Variants in FAM200B observed in about 807,000 individuals in gnomAD.
The protein encoded by FAM200B is protein FAM200B.
Under a neutral mutation model 33.1 loss-of-function variants are expected in FAM200B, and 32 were observed. That is an observed-to-expected ratio of 0.97 (90% CI 0.73 to 1.30). FAM200B has a LOEUF of 1.30. FAM200B is among the 50% of genes most tolerant of loss of function. The probability of loss-of-function intolerance (pLI) is 0.00; values close to 1 mark genes in which losing one functional copy is unlikely to be tolerated. For missense variants in FAM200B, 741 were observed against 754.0 expected (o/e 0.98, Z 0.20); for synonymous variants, 240 against 264.8 (o/e 0.91, Z 0.91).
At chr4:15,650,661 CTTTTTTT>C in the FAM200B span, among the ~76,000 whole-genome samples, 3 of 77,884 alleles carry the variant, frequency 3.9e-5, no homozygotes, top group East Asian at 4.1e-4. Context: ...AACTGACTTT[CTTTTTTT>C]TTTTTTTTTT....
At position 15,687,784 on chromosome 4, in the gene FAM200B, A is replaced by G; in HGVS notation, c.807A>G (p.Gly269=). 6.4e-7 allele frequency: 1 copy of G among 1,550,654 alleles called. No individual in the cohort carries two copies. Among genetic ancestry groups the G allele is most frequent in the Middle Eastern group, 1.7e-4 (1 of 5,980 alleles). ...TAAATTTAACCTCACACCTAAGTGG[A>G]TTAGATATTTTTACAGAATTAGAAA... is the stretch of plus-strand genomic sequence containing the variant. ...CFLNLTSHLS[G]LDIFTELERR... Residue 269 remains glycine, a synonymous_variant, in exon 2 of 2, where the codon GGA becomes GGG. Transcript: ENST00000422728.
At chr4:15,662,551 T>C in the FAM200B span, among the ~76,000 whole-genome samples, 2 of 152,208 alleles carry the variant, frequency 1.3e-5, no homozygotes, top group African/African-American at 4.8e-5. Flanking sequence ...CAGATATGCA[T>C]TGTTCCTTGA....
At chr4:15,668,260 A>G in the FAM200B span, among the ~76,000 whole-genome samples, 2 of 151,182 alleles carry the variant, frequency 1.3e-5, no homozygotes, top group African/African-American at 2.4e-5. Context: ...GGTATTTTCA[A>G]ATTTATAACT....
the FAM200B span, chr4:15,641,672 T>C: frequency 4.5e-6 from 2 of 447,476 alleles, no homozygotes; most frequent in Non-Finnish European, 8.9e-6. Flanking sequence ...ACGTGGATTT[T>C]CAACAGCACA....
chr4:15,646,644 C>T, the FAM200B span, among the ~76,000 whole-genome samples: 803 of 151,908 alleles, frequency 5.3e-3, 7 homozygotes, highest in African/African-American at 0.018. Flanking sequence ...GTGCTGCACC[C>T]ATTAACCCGT....
At chr4:15,659,210 G>A in the FAM200B span, among the ~76,000 whole-genome samples, 1 of 152,118 alleles carries the variant, frequency 6.6e-6, no homozygotes, top group Non-Finnish European at 1.5e-5. Context: ...TACATTCCCT[G>A]AACAAGTAGT....
the FAM200B span, among the ~76,000 whole-genome samples, chr4:15,654,409 T>C: frequency 6.6e-6 from 1 of 152,200 alleles, no homozygotes; most frequent in South Asian, 2.1e-4. Flanking sequence ...CCTCTTCAGC[T>C]TATGCTGCAC....
At chr4:15,640,392 T>TGA in the FAM200B span, among the ~76,000 whole-genome samples, 1 of 19,246 alleles carries the variant, frequency 5.2e-5, no homozygotes, top group Admixed American at 7.5e-4. Context: ...ACTACACTAC[T>TGA]GAAAAAAAAA....
the FAM200B span, among the ~76,000 whole-genome samples, chr4:15,666,856 C>A: frequency 6.6e-6 from 1 of 151,230 alleles, no homozygotes; most frequent in Non-Finnish European, 1.5e-5. Context: ...GAGTAAATTT[C>A]AAATGTCCCA....
chr4:15,674,204 GTTT>G, the FAM200B span, among the ~76,000 whole-genome samples: 5 of 140,214 alleles, frequency 3.6e-5, no homozygotes, highest in East Asian at 2.2e-4. Context: ...AATGCATCGT[GTTT>G]TTTTTTTTTT....
the FAM200B span, among the ~76,000 whole-genome samples, chr4:15,653,301 T>C: frequency 6.6e-6 from 1 of 152,208 alleles, no homozygotes; most frequent in Admixed American, 6.5e-5. Flanking sequence ...GAAAAGACTC[T>C]TGGCTCAGAT....
chr4:15,655,173 G>T, the FAM200B span: 16 of 1,362,848 alleles, frequency 1.2e-5, no homozygotes, highest in Non-Finnish European at 1.5e-5. Flanking sequence ...CGCCCGCACC[G>T]CCCACAGCGG....
rs1323958545 is a variant in FAM200B at position 15,686,324 on chromosome 4, T to A, written c.-654T>A. On this transcript the variant is annotated 5_prime_UTR_variant, in exon 2 of 2. Coordinates refer to ENST00000422728, the MANE Select transcript of FAM200B (RefSeq NM_001145191.2). ...CCTAGCCATGGAAAACCTCATTGGC[T>A]CCTCACTGGATCAGACCATAAAAAT... 6.6e-6 allele frequency: 1 copy of A among 152,120 alleles called. No individual in the cohort carries two copies. Among genetic ancestry groups the A allele is most frequent in the Non-Finnish European group, 1.5e-5 (1 of 68,028 alleles). 9.4% of individuals were successfully genotyped at this position (152,120 alleles called of 1,614,324 possible). A position where few individuals can be genotyped will look rare whatever the true frequency, so the allele number is the denominator to read the frequency against.
At chr4:15,680,128 A>C (rs1252098228), upstream of FAM200B, among the ~76,000 whole-genome samples, 2 of 152,172 alleles carry the variant, frequency 1.3e-5, no homozygotes, top group African/African-American at 4.8e-5. Flanking sequence ...AAAAAAAAAA[A>C]CATGAACAAT....
chr4:15,638,286 C>T, the FAM200B span, among the ~76,000 whole-genome samples: 1 of 152,190 alleles, frequency 6.6e-6, no homozygotes, highest in African/African-American at 2.4e-5. Context: ...AAACACTACA[C>T]TGAATATGTC....
chr4:15,650,212 AATC>A, the FAM200B span, among the ~76,000 whole-genome samples: 1 of 152,202 alleles, frequency 6.6e-6, no homozygotes, highest in African/African-American at 2.4e-5. Context: ...ATAAAAAAGA[AATC>A]ATCTGCCTCA....
rs1718921509 is a variant in FAM200B at position 15,687,066 on chromosome 4, T to C, written c.89T>C (p.Val30Ala). Residue 30 changes from valine to alanine, a missense_variant, in exon 2 of 2, where the codon GTG becomes GCG. Coordinates refer to ENST00000422728, the MANE Select transcript of FAM200B (RefSeq NM_001145191.2). ...AGTTCATCTGTTGAATCTGGAATTG[T>C]GAATAGTGACAATATTGAGAAAAAT... ...CSSSSVESGI[V>A]NSDNIEKNTD... 3.2e-6 allele frequency: 5 copies of C among 1,542,100 alleles called. No homozygotes were observed. The highest frequency in any genetic ancestry group is 4.4e-6 in the Non-Finnish European group (5 of 1,140,802).
In FAM200B at chr4:15,687,893, C is replaced by G. The variant is rs1719035008; in HGVS notation, c.916C>G (p.His306Asp). 1 of 1,550,700 alleles carries G rather than the reference C, an allele frequency of 6.4e-7. No individual in the cohort carries two copies. The highest frequency in any genetic ancestry group is 2.0e-5 in the Admixed American group (1 of 50,964). The stretch of plus-strand genomic sequence containing the variant: ...TGGCACAGCAACCATGACTGGAAAA[C>G]ATAGCAGAGTAATTAAAAAATTACT... Reference protein sequence around the residue: ...SDGTATMTGKHSRVIKKLLEV... With the variant: ...SDGTATMTGKDSRVIKKLLEV... The change falls in exon 2 of 2, where the codon CAT becomes GAT. Residue 306 changes from histidine to aspartate, a missense_variant. His to Asp is a moderately conservative substitution (Grantham distance 81). Transcript: ENST00000422728.
chr4:15,679,572 A>C (rs572452946), upstream of FAM200B, among the ~76,000 whole-genome samples: 378 of 151,598 alleles, frequency 2.5e-3, 2 homozygotes, highest in African/African-American at 8.8e-3. Context: ...CAAAAAAAAA[A>C]AAAAACAAAA....
Sources: allele counts gnomAD v4.1 joint callset (sites outside exome capture counted in the v4.1 genomes callset), GRCh38; gene constraint gnomAD v4.1.1; transcripts MANE v1.5; gene names NCBI Gene and HGNC (gene_info 2026-07-23, HGNC 2026-07-21).